Variants in RIOK3 observed in about 807,000 individuals in gnomAD.
RIOK3 encodes serine/threonine-protein kinase RIO3.
In RIOK3, 40 loss-of-function variants were observed where a neutral mutation model predicts 63.5. That is an observed-to-expected ratio of 0.63 (90% confidence interval 0.49 to 0.82). RIOK3 has a LOEUF of 0.82. Ranked by LOEUF, RIOK3 falls within the 40% of genes least tolerant of loss-of-function variation. The pLI is 0.00. For missense variants in RIOK3, 557 were observed against 637.0 expected, an observed-to-expected ratio of 0.87 and a Z score of 1.35; for synonymous variants, 193 against 205.0, an observed-to-expected ratio of 0.94 and a Z score of 0.50.
intron 8 of RIOK3, among the ~76,000 whole-genome samples, chr18:23,474,444 C>G (rs1252944370): frequency 6.6e-6 from 1 of 152,132 alleles, no homozygotes; most frequent in East Asian, 1.9e-4. Context: ...TTGCTGTCCT[C>G]CAGTCTCTTT....
chr18:23,468,967 C>T (rs1034046774), intron 7 of RIOK3, among the ~76,000 whole-genome samples: 5 of 152,188 alleles, frequency 3.3e-5, no homozygotes, highest in South Asian at 2.1e-4. Flanking sequence ...TGCAGCTATA[C>T]GACTGAGGTC....
At chr18:23,479,088 A>G (rs1294676257) in intron 11 of RIOK3, 1 of 401,920 alleles carries the variant, frequency 2.5e-6, no homozygotes, top group Non-Finnish European at 4.7e-6. Context: ...TAACAAGGAT[A>G]ACAGGAGTGA....
intron 7 of RIOK3, 23 bp from the exon 8 acceptor site, chr18:23,473,406 T>C (rs1402044963): frequency 6.5e-7 from 1 of 1,532,216 alleles, no homozygotes; most frequent in Non-Finnish European, 8.9e-7. Context: ...TTGTACTGAC[T>C]TGATTTTTTT....
chr18:23,463,193 A>G, intron 2 of RIOK3, 114 bp downstream of exon 2: 1 of 619,150 alleles, frequency 1.6e-6, no homozygotes, highest in South Asian at 2.2e-5. Context: ...AAAGCACCAT[A>G]TTGAGAGTCC....
chr18:23,469,676 C>T (rs953625155), intron 7 of RIOK3, among the ~76,000 whole-genome samples: 7 of 151,450 alleles, frequency 4.6e-5, no homozygotes, highest in Admixed American at 2.0e-4. Context: ...TTAGTAGAGA[C>T]GGGGTTTCAC....
Position 23,453,516 on chromosome 18 carries a change from G to A in RIOK3, c.63+14G>A, listed in dbSNP as rs1223487474. On this transcript the variant is annotated intron_variant, in intron 1 of 12. Transcript: ENST00000339486. Reference sequence around the variant, plus strand: ...GGACCCAGCAAGGTAAGTGGCAGACGAGACTGGAGTACTAGCCTTGGTCAC... The same window carrying A: ...GGACCCAGCAAGGTAAGTGGCAGACAAGACTGGAGTACTAGCCTTGGTCAC... 5 of 1,602,712 alleles carry A rather than the reference G, an allele frequency of 3.1e-6. No homozygotes were observed. The highest frequency in any genetic ancestry group is 4.3e-6 in the Non-Finnish European group (5 of 1,169,874).
rs1239916271 is a variant in RIOK3, at chr18:23,453,327, C to T, written c.-113C>T. The T allele has an allele frequency of 2.3e-6, 2 of 877,442 alleles. No individual in the cohort carries two copies. Among genetic ancestry groups the T allele is most frequent in the East Asian group, 2.4e-5 (1 of 41,190 alleles). 54.4% of individuals were successfully genotyped at this position (877,442 alleles called of 1,614,324 possible). On this transcript the variant is annotated 5_prime_UTR_variant, in exon 1 of 13. Transcript: ENST00000339486. ...CGCCGCCGTCGCCGCCATCTGTCAC[C>T]TCCACTCCGGCATCAGCAGCCAGTC...
chr18:23,464,083 A>G lies in RIOK3; in HGVS notation c.296A>G (p.Glu99Gly). The G allele has an allele frequency of 6.2e-7, 1 of 1,611,778 alleles. No individual in the cohort carries two copies. The highest frequency in any genetic ancestry group is 8.5e-7 in the Non-Finnish European group (1 of 1,179,264). ...DREYDAQLRR[E>G]EKKFNGDSKV... ...GAATATGATGCACAGCTTAGGCGTG[A>G]AGAAAAAAAATTCAATGGAGATAGC... Residue 99 changes from glutamate (E) to glycine (G), a missense_variant, in exon 3 of 13, where the codon GAA (glutamate) becomes GGA (glycine). This residue lies in a region of RIOK3 where 243 missense variants were observed against 275.4 expected (regional missense o/e 0.88). Coordinates refer to ENST00000339486, the MANE Select transcript of RIOK3 (RefSeq NM_003831.5).
At chr18:23,477,377 G>A in intron 11 of RIOK3, 109 bp downstream of exon 11, 1 of 835,220 alleles carries the variant, frequency 1.2e-6, no homozygotes, top group Admixed American at 1.9e-5. Flanking sequence ...TTGAAGGAAG[G>A]GATACGGGCT....
chr18:23,466,345 GA>G (rs1029937270), intron 6 of RIOK3, 69 bp downstream of exon 6: 87 of 1,217,830 alleles, frequency 7.1e-5, no homozygotes, highest in Non-Finnish European at 8.1e-5. Flanking sequence ...TTTGGGTAAA[GA>G]AAAAAAAACT....
intron 11 of RIOK3, among the ~76,000 whole-genome samples, chr18:23,477,819 C>T (rs1448969339): frequency 6.6e-6 from 1 of 150,938 alleles, no homozygotes; most frequent in African/African-American, 2.4e-5. Context: ...CCTGTAATCC[C>T]AGCACTTTGG....
Position 23,479,424 on chromosome 18 carries a change from G to C in RIOK3, c.1452G>C (p.Glu484Asp). 2 of 1,600,150 alleles carry C rather than the reference G, an allele frequency of 1.2e-6. No individual in the cohort carries two copies. Among genetic ancestry groups the C allele is most frequent in the Non-Finnish European group, 1.7e-6 (2 of 1,167,444 alleles). ...ATAATGAAGCTGATTTTTTAGCTGA[G>C]GTATGTGATAAACAGCTGTTTTTCA... ...TADNEADFLA[E>D]IEALEKMNED... The change falls in exon 12 of 13, where the codon GAG becomes GAC. Residue 484 changes from glutamate to aspartate, a missense_variant and splice_region_variant. Glu to Asp is a conservative substitution (Grantham distance 45). This residue lies in a region of RIOK3 where 309 missense variants were observed against 338.7 expected (regional missense o/e 0.91). Transcript: ENST00000339486.
intron 7 of RIOK3, among the ~76,000 whole-genome samples, chr18:23,469,302 T>TC (rs2057431579): frequency 8.2e-6 from 1 of 122,526 alleles, no homozygotes; most frequent in Non-Finnish European, 1.7e-5. Context: ...CCTTTCTTTC[T>TC]TCCTCTCTCT....
chr18:23,479,111 G>C (rs1012127307), intron 11 of RIOK3: 2 of 452,192 alleles, frequency 4.4e-6, no homozygotes, highest in Non-Finnish European at 8.2e-6. Context: ...CGCCATGCCT[G>C]GCTGAGCCAG....
At chr18:23,471,517 G>A (rs1169155540) in intron 7 of RIOK3, among the ~76,000 whole-genome samples, 2 of 152,162 alleles carry the variant, frequency 1.3e-5, no homozygotes, top group Non-Finnish European at 2.9e-5. Context: ...GCTATGAGTT[G>A]ATTCTTATTT....
At chr18:23,479,488 G>C in intron 12 of RIOK3, 64 bp downstream of exon 12, 1 of 880,516 alleles carries the variant, frequency 1.1e-6, no homozygotes, top group Non-Finnish European at 1.8e-6. Context: ...GGAGATAACT[G>C]AAACCCAGAG....
chr18:23,477,452 G>A (rs975268871), intron 11 of RIOK3, among the ~76,000 whole-genome samples, 184 bp downstream of exon 11: 1 of 152,146 alleles, frequency 6.6e-6, no homozygotes, highest in African/African-American at 2.4e-5. Flanking sequence ...TTGATTCCAT[G>A]TCTTACAGTT....
In RIOK3 at chr18:23,464,246, T is replaced by G; in HGVS notation, c.366T>G (p.Tyr122Ter). 6.2e-7 allele frequency: 1 copy of G among 1,614,198 alleles called. No homozygotes were observed. The highest frequency in any genetic ancestry group is 8.5e-7 in the Non-Finnish European group (1 of 1,180,008). Reference sequence around the variant, plus strand: ...AAAATTATCGAAAAGTGCATCCTTATGAAGACAGCGATAGCTCTGAAGATG... The same window carrying G: ...AAAATTATCGAAAAGTGCATCCTTAGGAAGACAGCGATAGCTCTGAAGATG... Reference protein sequence around the residue: ...SFENYRKVHPYEDSDSSEDEV... With the variant: ...SFENYRKVHP Residue 122 changes from tyrosine (Y) to a stop codon, truncating the protein, a stop_gained, in exon 4 of 13, where the codon TAT becomes TAG. Transcript: ENST00000339486. LOFTEE classifies it high-confidence loss of function.
intron 1 of RIOK3, among the ~76,000 whole-genome samples, chr18:23,458,063 GT>G (rs201406755): frequency 1.1e-3 from 157 of 137,608 alleles, no homozygotes; most frequent in East Asian, 1.9e-3. Flanking sequence ...CTGGCTAGTT[GT>G]TTTTTTTTTT....
Sources: allele counts gnomAD v4.1 joint callset (sites outside exome capture counted in the v4.1 genomes callset), GRCh38; gene constraint gnomAD v4.1.1; regional missense constraint gnomAD v4.1.1; transcripts MANE v1.5; gene names NCBI Gene and HGNC (gene_info 2026-07-23, HGNC 2026-07-21).